Variants in TANGO6 observed in about 807,000 individuals in gnomAD.
TANGO6 encodes the protein transport and golgi organization 6 homolog, also known as transport and Golgi organization protein 6 homolog.
In TANGO6, 90 loss-of-function variants were observed where a neutral mutation model predicts 114.2. The observed-to-expected ratio is 0.79, with a 90% CI of 0.66 to 0.94. The LOEUF is 0.94. Ranked by LOEUF, TANGO6 falls within the 40% of genes least tolerant of loss-of-function variation. The pLI, the probability that TANGO6 is intolerant of heterozygous loss-of-function variation, is 0.00. For missense variants in TANGO6, 1,274 were observed against 1,315.3 expected (o/e 0.97, Z 0.49); for synonymous variants, 477 against 509.8 (o/e 0.94, Z 0.87).
chr16:68,874,054 G>A (rs1448131630), intron 4 of TANGO6, among the ~76,000 whole-genome samples: 6 of 152,146 alleles, frequency 3.9e-5, no homozygotes, highest in Non-Finnish European at 7.4e-5. Context: ...AACCGTGGGG[G>A]TTGTTCCCCC....
At chr16:68,975,394 T>G (rs996191938) in intron 15 of TANGO6, among the ~76,000 whole-genome samples, 1 of 151,966 alleles carries the variant, frequency 6.6e-6, no homozygotes, top group African/African-American at 2.4e-5. Flanking sequence ...CGCTTTTTTT[T>G]TTTTCATGGT....
chr16:68,916,532 G>A (rs767876127), intron 11 of TANGO6, among the ~76,000 whole-genome samples: 35 of 149,848 alleles, frequency 2.3e-4, no homozygotes, highest in Non-Finnish European at 4.3e-4. Flanking sequence ...CAAAAGGGTT[G>A]GGGATCACTA....
At chr16:68,963,121 CTT>C (rs946919701) in intron 14 of TANGO6, among the ~76,000 whole-genome samples, 2 of 136,214 alleles carry the variant, frequency 1.5e-5, no homozygotes, top group Non-Finnish European at 1.6e-5. Context: ...TGTCCTTGTG[CTT>C]TTTTTTTTTT....
chr16:68,843,533 A>C lies in TANGO6; in HGVS notation c.-85A>C, dbSNP rs1412351719. On this transcript the variant is annotated 5_prime_UTR_variant, in exon 1 of 18. Coordinates refer to ENST00000261778, the MANE Select transcript of TANGO6 (RefSeq NM_024562.2). ...TGGCCCCGCCCCATAGTGTGCCCAGAGCCTTCTGCCACACTTAACATGGCG... is the reference window on the plus strand; with the variant it reads ...TGGCCCCGCCCCATAGTGTGCCCAGCGCCTTCTGCCACACTTAACATGGCG... 4 of 1,345,686 alleles carry C rather than the reference A, an allele frequency of 3.0e-6. No homozygotes were observed. The African/African-American group carries it at 4.4e-5, about 15-fold the overall frequency. 83.4% of individuals were successfully genotyped at this position (1,345,686 alleles called of 1,614,324 possible).
chr16:69,041,221 C>T (rs1398918016), intron 17 of TANGO6, among the ~76,000 whole-genome samples: 11 of 151,986 alleles, frequency 7.2e-5, no homozygotes, highest in South Asian at 2.1e-4. Context: ...CCGAGGCAGG[C>T]GGATCACCTG....
At chr16:68,957,124 A>G (rs1400502585) in intron 14 of TANGO6, among the ~76,000 whole-genome samples, 3 of 152,050 alleles carry the variant, frequency 2.0e-5, no homozygotes, top group Non-Finnish European at 4.4e-5. Flanking sequence ...TTTAATAATT[A>G]AAAAATATTT....
chr16:69,008,938 G>C (rs920467377), intron 15 of TANGO6, among the ~76,000 whole-genome samples: 1 of 151,860 alleles, frequency 6.6e-6, no homozygotes, highest in African/African-American at 2.4e-5. Context: ...CACCGAGCCC[G>C]GCTGAAGTTA....
At position 69,040,524 on chromosome 16, in the gene TANGO6, G is replaced by T. The variant is rs1043672912; in HGVS notation, c.3108+103G>T. ...AGGCCTCAAACCTCTTTCCTCGATG[G>T]ATTCATCCAAATGAATCCATCAACA... On this transcript the variant is annotated intron_variant, in intron 17 of 17. Transcript: ENST00000261778. The T allele has an allele frequency of 3.4e-5, 31 of 912,396 alleles. No individual in the cohort carries two copies. In the Middle Eastern group the frequency reaches 7.0e-4, roughly 21 times the overall value. The allele number at this position is 912,396 out of a possible 1,614,324, so 56.5% of individuals were successfully genotyped here.
At chr16:68,932,717 G>C (rs1207295947) in intron 14 of TANGO6, among the ~76,000 whole-genome samples, 2 of 152,064 alleles carry the variant, frequency 1.3e-5, no homozygotes, top group Non-Finnish European at 2.9e-5. Flanking sequence ...CTGAACCCAG[G>C]AGGCCAAGGT....
chr16:69,047,882 T>G (rs1351248734), intron 17 of TANGO6, among the ~76,000 whole-genome samples: 5 of 152,184 alleles, frequency 3.3e-5, no homozygotes, highest in African/African-American at 1.2e-4. Context: ...AAAAGATAAT[T>G]CTCAGAGCAG....
intron 14 of TANGO6, among the ~76,000 whole-genome samples, chr16:68,967,370 A>G (rs1026774633): frequency 2.0e-5 from 3 of 152,192 alleles, no homozygotes; most frequent in African/African-American, 7.2e-5. Flanking sequence ...ATGATCTGAC[A>G]GAAGGCAGAG....
In TANGO6 at chr16:68,867,179, G is replaced by C. The variant is rs377129715; in HGVS notation, c.953G>C (p.Gly318Ala). The C allele has an allele frequency of 1.9e-6, 3 of 1,613,752 alleles. No homozygotes were observed. Among genetic ancestry groups the C allele is most frequent in the Non-Finnish European group, 2.5e-6 (3 of 1,179,882 alleles). ...TCTGAAAGGTTAATGAGACCTAATG[G>C]TGTTCAGGCAGTAGTCCGGGGCATT... Reference protein sequence around the residue: ...LLSERLMRPNGVQAVVRGILE... With the variant: ...LLSERLMRPNAVQAVVRGILE... Residue 318 changes from glycine (G) to alanine (A), a missense_variant, in exon 4 of 18, where the codon GGT (glycine) becomes GCT (alanine). Transcript: ENST00000261778.
chr16:68,948,161 T>C (rs1016479452), intron 14 of TANGO6: 14 of 152,174 alleles, frequency 9.2e-5, no homozygotes, highest in African/African-American at 3.1e-4. Context: ...CAATCAAAGA[T>C]TGATACATTC....
At chr16:68,986,122 G>A (rs1963887525) in intron 15 of TANGO6, among the ~76,000 whole-genome samples, 1 of 152,178 alleles carries the variant, frequency 6.6e-6, no homozygotes, top group South Asian at 2.1e-4. Flanking sequence ...TATTTTTAGA[G>A]GCAGAATGTA....
chr16:69,068,677 G>C (rs1478464800), intron 17 of TANGO6, among the ~76,000 whole-genome samples: 2 of 152,108 alleles, frequency 1.3e-5, no homozygotes, highest in East Asian at 3.9e-4. Flanking sequence ...CACTTCTTTA[G>C]CACCCACCAT....
intron 17 of TANGO6, among the ~76,000 whole-genome samples, chr16:69,078,319 A>G (rs2152244916): frequency 6.6e-6 from 1 of 152,284 alleles, no homozygotes; most frequent in East Asian, 1.9e-4. Flanking sequence ...GTCCATGCTG[A>G]TCAGGAATAT....
chr16:68,889,159 C>T (rs918054602), intron 7 of TANGO6, among the ~76,000 whole-genome samples: 4 of 152,166 alleles, frequency 2.6e-5, no homozygotes, highest in African/African-American at 9.7e-5. Context: ...TTTAGGTTCA[C>T]AGAAAAATTA....
chr16:68,960,504 A>C (rs1190606648), intron 14 of TANGO6, among the ~76,000 whole-genome samples: 1 of 150,992 alleles, frequency 6.6e-6, no homozygotes, highest in Non-Finnish European at 1.5e-5. Flanking sequence ...TATTATTCTT[A>C]TTTATTTATT....
At chr16:69,073,666 G>C (rs898147601) in intron 17 of TANGO6, among the ~76,000 whole-genome samples, 17 of 152,232 alleles carry the variant, frequency 1.1e-4, no homozygotes, top group South Asian at 6.2e-4. Context: ...GGTTAGAAAG[G>C]GCACTCGAAG....
Sources: allele counts gnomAD v4.1 joint callset (sites outside exome capture counted in the v4.1 genomes callset), GRCh38; gene constraint gnomAD v4.1.1; transcripts MANE v1.5; gene names NCBI Gene and HGNC (gene_info 2026-07-23, HGNC 2026-07-21).